CRHBP: variants seen among roughly 807,000 people sequenced by gnomAD.
The protein encoded by CRHBP is corticotropin releasing hormone binding protein.
In CRHBP, 19 loss-of-function variants were observed where a neutral mutation model predicts 34.9. That is an observed-to-expected ratio of 0.55 (90% CI 0.38 to 0.80). The LOEUF (loss-of-function observed/expected upper bound fraction) is 0.80, where lower values mean the gene tolerates loss of function less well. Ranked by LOEUF, CRHBP falls within the 30% of genes least tolerant of loss-of-function variation. The pLI is 0.00. For missense variants in CRHBP, 328 were observed against 409.2 expected (o/e 0.80, Z 1.71); for synonymous variants, 154 against 153.4 (o/e 1.00, Z -0.03).
intron 5 of CRHBP, among the ~76,000 whole-genome samples, chr5:76,960,347 A>G (rs929189553): frequency 2.2e-4 from 33 of 152,306 alleles, no homozygotes; most frequent in Middle Eastern, 3.4e-3. Context: ...GATTCCAGAC[A>G]TGGAAAGAAG....
chr5:76,953,206 G>A lies in CRHBP; in HGVS notation c.72G>A (p.Arg24=). The part of the protein sequence containing the change: ...IFLTALRGES[R]YLELREAADY... ...TGACGGCTCTAAGAGGGGAAAGCCGGTACCTAGAGGTGAGCCACCCCTGGA... is the reference window on the plus strand; with the variant it reads ...TGACGGCTCTAAGAGGGGAAAGCCGATACCTAGAGGTGAGCCACCCCTGGA... Residue 24 remains arginine, a synonymous_variant, in exon 1 of 7, where the codon CGG becomes CGA. Transcript: ENST00000274368. 1 of 1,614,020 alleles carries A rather than the reference G, an allele frequency of 6.2e-7. No individual in the cohort carries two copies. Among genetic ancestry groups the A allele is most frequent in the Non-Finnish European group, 8.5e-7 (1 of 1,179,900 alleles).
rs1299650739 is a variant in CRHBP, at chr5:76,963,476, G to T, written c.811+16G>T. 1 of 1,592,008 alleles carries T rather than the reference G, an allele frequency of 6.3e-7. No individual in the cohort carries two copies. The highest frequency in any genetic ancestry group is 8.6e-7 in the Non-Finnish European group (1 of 1,160,518). ...CATGGCCCGGGTGAGGTATTTCTTT[G>T]ATTGTTATGTATGTGCCTATCAAGA... On this transcript the variant is annotated intron_variant, in intron 6 of 6. Coordinates refer to ENST00000274368, the MANE Select transcript of CRHBP (RefSeq NM_001882.4).
At chr5:76,980,355 T>C (rs1276064533) in intron 3 of CRHBP, among the ~76,000 whole-genome samples, 1 of 151,946 alleles carries the variant, frequency 6.6e-6, no homozygotes, top group Non-Finnish European at 1.5e-5. Flanking sequence ...ACTACTCTGC[T>C]AGAGACTGTG....
chr5:76,969,867 A>G (rs935998491), downstream of CRHBP, among the ~76,000 whole-genome samples: 1 of 151,224 alleles, frequency 6.6e-6, no homozygotes, highest in African/African-American at 2.4e-5. Flanking sequence ...TTGGCTTAAA[A>G]CTGAGTGTGT....
chr5:76,972,076 C>G (rs1434752134), downstream of CRHBP, among the ~76,000 whole-genome samples: 3 of 152,022 alleles, frequency 2.0e-5, no homozygotes, highest in Non-Finnish European at 4.4e-5. Context: ...GGGTCTTGCT[C>G]TATTATGCAG....
At chr5:76,966,019 C>T (rs1745854698) in intron 6 of CRHBP, among the ~76,000 whole-genome samples, 2 of 152,046 alleles carry the variant, frequency 1.3e-5, no homozygotes, top group Admixed American at 1.3e-4. Context: ...GTTTCAAGTA[C>T]TCCTTTCTTT....
chr5:76,965,816 G>C (rs1745852164), intron 6 of CRHBP, among the ~76,000 whole-genome samples: 1 of 152,082 alleles, frequency 6.6e-6, no homozygotes, highest in Admixed American at 6.6e-5. Flanking sequence ...CTGGAAGGAG[G>C]GCCTTGAGTG....
At chr5:76,961,974 G>A (rs1459463915) in intron 5 of CRHBP, among the ~76,000 whole-genome samples, 2 of 152,086 alleles carry the variant, frequency 1.3e-5, no homozygotes, top group South Asian at 2.1e-4. Flanking sequence ...GGCTGGTCTC[G>A]AACTCCTGAC....
Position 76,953,201 on chromosome 5 carries a change from A to T in CRHBP, c.67A>T (p.Ser23Cys). 6.2e-7 allele frequency: 1 copy of T among 1,614,114 alleles called. No individual in the cohort carries two copies. The highest frequency in any genetic ancestry group is 8.5e-7 in the Non-Finnish European group (1 of 1,179,964). ...CTTCCTGACGGCTCTAAGAGGGGAA[A>T]GCCGGTACCTAGAGGTGAGCCACCC... Reference protein sequence around the residue: ...LIFLTALRGESRYLELREAAD... With the variant: ...LIFLTALRGECRYLELREAAD... The change falls in exon 1 of 7, where the codon AGC becomes TGC. Residue 23 changes from serine (S) to cysteine (C), a missense_variant. By Grantham distance (112) the Ser-to-Cys change is moderately radical. This residue lies in a region of CRHBP where 173 missense variants were observed against 172.2 expected (regional missense o/e 1.00). Coordinates refer to ENST00000274368, the MANE Select transcript of CRHBP (RefSeq NM_001882.4).
chr5:76,970,375 A>G (rs1745927818), downstream of CRHBP, among the ~76,000 whole-genome samples: 1 of 152,142 alleles, frequency 6.6e-6, no homozygotes, highest in Non-Finnish European at 1.5e-5. Context: ...GGGATCCTAT[A>G]CACTGGGCTT....
intron 3 of CRHBP, among the ~76,000 whole-genome samples, chr5:76,955,131 A>G (rs912385031): frequency 3.3e-5 from 5 of 152,216 alleles, no homozygotes; most frequent in African/African-American, 1.2e-4. Flanking sequence ...AGTTCTTGAC[A>G]TTTTAAAGTA....
intron 3 of CRHBP, among the ~76,000 whole-genome samples, chr5:76,977,787 T>C (rs188372799): frequency 7.9e-5 from 12 of 152,312 alleles, no homozygotes; most frequent in Non-Finnish European, 1.5e-5. Context: ...TGATTAAGCT[T>C]AGTGAAGAAG....
At chr5:76,976,964 A>C (rs192553548) in intron 3 of CRHBP, among the ~76,000 whole-genome samples, 70 of 152,206 alleles carry the variant, frequency 4.6e-4, no homozygotes, top group African/African-American at 1.6e-3. Context: ...CAACTCTGCC[A>C]TCTGCTCAGC....
intron 3 of CRHBP, among the ~76,000 whole-genome samples, chr5:76,955,170 A>G (rs936592506): frequency 1.3e-5 from 2 of 152,250 alleles, no homozygotes; most frequent in Non-Finnish European, 2.9e-5. Flanking sequence ...AAAAAATGAG[A>G]AAAATGGGTG....
intron 3 of CRHBP, among the ~76,000 whole-genome samples, chr5:76,980,135 G>A (rs1746097722): frequency 6.6e-6 from 1 of 151,394 alleles, no homozygotes; most frequent in African/African-American, 2.4e-5. Flanking sequence ...GGCGCCTGTA[G>A]TCCCAGCTAC....
intron 6 of CRHBP, among the ~76,000 whole-genome samples, chr5:76,968,298 C>T (rs752468020): frequency 1.7e-4 from 25 of 150,886 alleles, no homozygotes; most frequent in Non-Finnish European, 2.8e-4. Context: ...TCGGTGACAA[C>T]CAAAAACTGC....
chr5:76,955,768 T>G lies in CRHBP; in HGVS notation c.449T>G (p.Ile150Ser). Reference protein sequence around the residue: ...FCESGLSRRSIRSSQNVAMIF... With the variant: ...FCESGLSRRSSRSSQNVAMIF... The stretch of plus-strand genomic sequence containing the variant: ...GAGAGTGGTCTTAGCAGGAGGAGCA[T>G]CAGATCTTCCCAGAATGTGGCCATG... Residue 150 changes from isoleucine to serine, a missense_variant, in exon 4 of 7, where the codon ATC (isoleucine) becomes AGC (serine). Coordinates refer to ENST00000274368, the MANE Select transcript of CRHBP (RefSeq NM_001882.4). The G allele has an allele frequency of 5.6e-6, 9 of 1,614,178 alleles. No homozygotes were observed. The highest frequency in any genetic ancestry group is 7.6e-6 in the Non-Finnish European group (9 of 1,180,034).
intron 3 of CRHBP, 140 bp from the exon 4 acceptor site, chr5:76,955,513 G>A (rs998767966): frequency 2.9e-5 from 19 of 657,160 alleles, no homozygotes; most frequent in Admixed American, 5.8e-5. Flanking sequence ...ATGAAAAGGC[G>A]AGCAGGCAGA....
At chr5:76,974,862 G>A (rs544822039) in intron 2 of CRHBP, among the ~76,000 whole-genome samples, 1 of 152,310 alleles carries the variant, frequency 6.6e-6, no homozygotes, top group Non-Finnish European at 1.5e-5. Context: ...AGAGAAAGAA[G>A]CTTGATTAGA....
Sources: gnomAD v4.1 joint callset for allele counts (sites outside exome capture counted in the v4.1 genomes callset) on GRCh38, gnomAD v4.1.1 for gene constraint, gnomAD v4.1.1 regional missense constraint, MANE v1.5 for transcripts, NCBI Gene and HGNC (gene_info 2026-07-23, HGNC 2026-07-21) for gene names.